The following PAWR variants were observed in gnomAD, a reference collection of about 807,000 sequenced individuals.
PAWR encodes the protein PRKC apoptosis WT1 regulator protein.
Under a neutral mutation model 32.0 loss-of-function variants are expected in PAWR, and 23 were observed. That is an observed-to-expected ratio of 0.72 (90% CI 0.52 to 1.02). The LOEUF is 1.02. PAWR is among the 50% of genes least tolerant of loss of function. PAWR has a pLI of 0.00. For synonymous variants in PAWR, 226 were observed against 187.1 expected, an observed-to-expected ratio of 1.21 and a Z score of -1.70; for missense variants, 457 against 437.7, an observed-to-expected ratio of 1.04 and a Z score of -0.39.
intron 2 of PAWR, among the ~76,000 whole-genome samples, chr12:79,689,051 T>G (rs1171236993): frequency 6.6e-6 from 1 of 152,200 alleles, no homozygotes; most frequent in Non-Finnish European, 1.5e-5. Flanking sequence ...CACATGTTTT[T>G]CAGACACAGT....
chr12:79,632,391 C>G (rs1293944669), intron 2 of PAWR, among the ~76,000 whole-genome samples: 6 of 115,602 alleles, frequency 5.2e-5, no homozygotes, highest in Non-Finnish European at 8.3e-5. Flanking sequence ...AGGGTCTTGG[C>G]TCTGTTGCCC....
chr12:79,637,541 TAAAAAA>T (rs112508716), intron 2 of PAWR, among the ~76,000 whole-genome samples: 7 of 132,858 alleles, frequency 5.3e-5, no homozygotes, highest in African/African-American at 1.9e-4. Flanking sequence ...CATTGAACAT[TAAAAAA>T]AAAAAAAAAA....
intron 3 of PAWR, among the ~76,000 whole-genome samples, chr12:79,613,976 TATA>T (rs1245355075): frequency 9.5e-4 from 9 of 9,452 alleles, no homozygotes; most frequent in African/African-American, 2.9e-3. Flanking sequence ...TATATATATA[TATA>T]TTTTTTTTTT....
At chr12:79,595,422 A>T (rs1490458320) in intron 5 of PAWR, among the ~76,000 whole-genome samples, 1 of 152,174 alleles carries the variant, frequency 6.6e-6, no homozygotes, top group Non-Finnish European at 1.5e-5. Context: ...GCAATCAACC[A>T]TCCATATCCC....
intron 2 of PAWR, among the ~76,000 whole-genome samples, chr12:79,650,092 T>C (rs930925651): frequency 2.0e-5 from 3 of 152,216 alleles, no homozygotes; most frequent in African/African-American, 4.8e-5. Context: ...CACCTCCTGC[T>C]GTATAGCCTG....
intron 2 of PAWR, among the ~76,000 whole-genome samples, chr12:79,684,136 A>G (rs1176277959): frequency 6.6e-6 from 1 of 152,194 alleles, no homozygotes; most frequent in African/African-American, 2.4e-5. Context: ...GGTAAATTTT[A>G]TTGTATGTGA....
Position 79,611,211 on chromosome 12 carries a change from A to T in PAWR, c.683+2364T>A, listed in dbSNP as rs7300584. The stretch of plus-strand genomic sequence containing the variant: ...AATCTTATAGATATTTATATATAAA[A>T]CTTATAGATATTTATATATAAATCT... On this transcript the variant is annotated intron_variant, in intron 4 of 6. Transcript: ENST00000328827. Among the ~76,000 whole-genome samples, 469 of 146,044 alleles carry T rather than the reference A, an allele frequency of 3.2e-3. 7 individuals carry two copies. Among genetic ancestry groups the T allele is most frequent in the Non-Finnish European group, 1.7e-3 (110 of 66,216 alleles).
intron 2 of PAWR, among the ~76,000 whole-genome samples, chr12:79,669,539 A>G (rs1877781209): frequency 1.3e-5 from 2 of 152,224 alleles, no homozygotes; most frequent in Admixed American, 6.5e-5. Context: ...TACATACTTC[A>G]TTTTCAAGTC....
intron 4 of PAWR, chr12:79,604,592 C>A: frequency 7.8e-7 from 1 of 1,276,694 alleles, no homozygotes; most frequent in South Asian, 1.3e-5. Context: ...TTCTGAAATT[C>A]CCAAATAACC....
chr12:79,630,188 A>G (rs1875542974), intron 2 of PAWR, among the ~76,000 whole-genome samples: 1 of 152,022 alleles, frequency 6.6e-6, no homozygotes, highest in East Asian at 1.9e-4. Context: ...AAATTAGTAA[A>G]CCTCTTGGCA....
intron 2 of PAWR, among the ~76,000 whole-genome samples, chr12:79,661,347 T>C (rs17005769): frequency 0.032 from 4,866 of 152,062 alleles, 237 homozygotes; most frequent in South Asian, 0.19. Context: ...AACTTTTAGC[T>C]TACAAACAAA....
chr12:79,612,333 T>C (rs1023596702), intron 4 of PAWR, among the ~76,000 whole-genome samples: 1 of 152,290 alleles, frequency 6.6e-6, no homozygotes, highest in South Asian at 2.1e-4. Flanking sequence ...TCTCTTTCTA[T>C]TGCTAATAAA....
chr12:79,661,006 G>A lies in PAWR; in HGVS notation c.516+28723C>T, dbSNP rs913521850. 4.6e-5 allele frequency among the ~76,000 whole-genome samples: 7 copies of A among 151,562 alleles called. No individual in the cohort carries two copies. The East Asian group carries it at 1.2e-3, about 25-fold the overall frequency. On this transcript the variant is annotated intron_variant, in intron 2 of 6. Transcript: ENST00000328827. ...ATTTTGGCTGGGCACAATGACTCAC[G>A]CCTGCAATCCCAGCACTTTGGGAGG...
At chr12:79,647,173 C>CAA (rs11319978) in intron 2 of PAWR, among the ~76,000 whole-genome samples, 7 of 82,418 alleles carry the variant, frequency 8.5e-5, no homozygotes, top group Non-Finnish European at 1.3e-4. Context: ...GACTCCATTT[C>CAA]AAAAAAAAAA....
chr12:79,613,948 T>TAC (rs1874568068), intron 3 of PAWR, among the ~76,000 whole-genome samples: 9 of 5,480 alleles, frequency 1.6e-3, no homozygotes, highest in African/African-American at 8.2e-3. Context: ...TATATATATA[T>TAC]ATATATATAT....
chr12:79,654,962 C>T (rs1411740334), intron 2 of PAWR, among the ~76,000 whole-genome samples: 1 of 152,128 alleles, frequency 6.6e-6, no homozygotes, highest in Non-Finnish European at 1.5e-5. Flanking sequence ...CAGTTAAATG[C>T]CCTTTATTCT....
intron 2 of PAWR, among the ~76,000 whole-genome samples, chr12:79,670,228 T>C (rs1877824984): frequency 6.6e-6 from 1 of 152,174 alleles, no homozygotes; most frequent in South Asian, 2.1e-4. Flanking sequence ...AAGCAACTAA[T>C]TGGCAGTACA....
intron 2 of PAWR, among the ~76,000 whole-genome samples, chr12:79,624,733 T>C (rs1302390432): frequency 2.0e-5 from 3 of 152,198 alleles, no homozygotes; most frequent in East Asian, 1.9e-4. Flanking sequence ...AATTCCTGTA[T>C]CTGCCATACT....
chr12:79,640,434 C>T (rs557374362), intron 2 of PAWR, among the ~76,000 whole-genome samples: 9 of 152,280 alleles, frequency 5.9e-5, no homozygotes, highest in African/African-American at 2.2e-4. Flanking sequence ...ACTCTGTCTT[C>T]TCAAGCTGAT....
Sources: allele counts gnomAD v4.1 joint callset (sites outside exome capture counted in the v4.1 genomes callset), GRCh38; gene constraint gnomAD v4.1.1; transcripts MANE v1.5; gene names NCBI Gene and HGNC (gene_info 2026-07-23, HGNC 2026-07-21).